Variants in ADAMTS12 observed in about 807,000 individuals in gnomAD.
ADAMTS12 encodes A disintegrin and metalloproteinase with thrombospondin motifs 12.
A neutral mutation model predicts 167.8 loss-of-function variants in ADAMTS12; 118 were observed. The ratio of observed to expected loss-of-function variants is 0.70; its 90% CI spans 0.61 to 0.82. The LOEUF (loss-of-function observed/expected upper bound fraction) is 0.82. Ranked by LOEUF, ADAMTS12 falls within the 40% of genes least tolerant of loss-of-function variation. The pLI, the probability that ADAMTS12 is intolerant of heterozygous loss-of-function variation, is 0.00. For missense variants in ADAMTS12, 1,916 were observed against 1,998.8 expected, an observed-to-expected ratio of 0.96 and a Z score of 0.79; for synonymous variants, 704 against 716.9, an observed-to-expected ratio of 0.98 and a Z score of 0.29.
intron 11 of ADAMTS12, among the ~76,000 whole-genome samples, 197 bp downstream of exon 11, chr5:33,641,613 C>A (rs369629554): frequency 2.0e-5 from 3 of 152,174 alleles, no homozygotes; most frequent in African/African-American, 7.2e-5. Context: ...CAGTGCCAAG[C>A]CGAAATGAAA....
chr5:33,618,420 A>G (rs1739138147), intron 14 of ADAMTS12, among the ~76,000 whole-genome samples: 1 of 152,196 alleles, frequency 6.6e-6, no homozygotes, highest in South Asian at 2.1e-4. Context: ...TTTCTCTAAA[A>G]GTGTTCTATA....
At chr5:33,854,556 G>A (rs1025955170) in intron 2 of ADAMTS12, among the ~76,000 whole-genome samples, 2 of 152,174 alleles carry the variant, frequency 1.3e-5, no homozygotes, top group African/African-American at 4.8e-5. Context: ...CCATAGGAAG[G>A]TCTGCTGATT....
chr5:33,725,040 A>G (rs12659781), intron 3 of ADAMTS12, among the ~76,000 whole-genome samples: 17,170 of 152,072 alleles, frequency 0.11, 1,228 homozygotes, highest in Middle Eastern at 0.15. Flanking sequence ...CCATTTCATG[A>G]TACTACTAAG....
chr5:33,630,853 T>A lies in ADAMTS12; in HGVS notation c.1949A>T (p.Asp650Val). 2 of 1,613,672 alleles carry A rather than the reference T, an allele frequency of 1.2e-6. No individual in the cohort carries two copies. Among genetic ancestry groups the A allele is most frequent in the Non-Finnish European group, 1.7e-6 (2 of 1,179,706 alleles). ...GCAAGGGGTACCATCAATGACAGCA[T>A]CCAGCATTTTCTCAGAAAACTGGCC... is the stretch of plus-strand genomic sequence containing the variant. ...IDGQFSEKML[D>V]AVIDGTPCFE... The change falls in exon 13 of 24, where the codon GAT becomes GTT. Residue 650 changes from aspartate to valine, a missense_variant. Coordinates refer to ENST00000504830, the MANE Select transcript of ADAMTS12 (RefSeq NM_030955.4).
At chr5:33,627,659 TG>T (rs142245641) in intron 13 of ADAMTS12, among the ~76,000 whole-genome samples, 1 of 152,218 alleles carries the variant, frequency 6.6e-6, no homozygotes, top group African/African-American at 2.4e-5. Context: ...AAGAACAGGT[TG>T]GGGCAAGAAT....
chr5:33,750,169 T>C (rs1744926688), intron 3 of ADAMTS12, among the ~76,000 whole-genome samples: 1 of 152,254 alleles, frequency 6.6e-6, no homozygotes, highest in African/African-American at 2.4e-5. Context: ...TCAAATCAGC[T>C]ACATGATATA....
intron 20 of ADAMTS12, among the ~76,000 whole-genome samples, chr5:33,558,887 TA>T (rs141041289): frequency 0.066 from 10,062 of 151,968 alleles, 1,098 homozygotes; most frequent in African/African-American, 0.23. Flanking sequence ...GGAAGAGAAA[TA>T]AAAAAGACCA....
At chr5:33,889,718 C>T (rs1402331008) in intron 1 of ADAMTS12, among the ~76,000 whole-genome samples, 1 of 152,102 alleles carries the variant, frequency 6.6e-6, no homozygotes, top group East Asian at 1.9e-4. Context: ...TTTAAGAGGC[C>T]AAGGTGGGCA....
intron 2 of ADAMTS12, among the ~76,000 whole-genome samples, chr5:33,814,688 GGGAAAAA>G (rs1747583646): frequency 6.6e-6 from 1 of 152,086 alleles, no homozygotes; most frequent in African/African-American, 2.4e-5. Context: ...TTAAGAGGCT[GGGAAAAA>G]GAAAGAACTG....
chr5:33,627,992 T>G (rs981818699), intron 13 of ADAMTS12, among the ~76,000 whole-genome samples: 3 of 152,132 alleles, frequency 2.0e-5, no homozygotes, highest in African/African-American at 7.2e-5. Flanking sequence ...GAGTGCACAG[T>G]AGGCTAATGG....
chr5:33,657,722 CAG>C (rs1741109437), intron 7 of ADAMTS12, among the ~76,000 whole-genome samples: 1 of 152,142 alleles, frequency 6.6e-6, no homozygotes, highest in African/African-American at 2.4e-5. Context: ...ACGGGACTAA[CAG>C]TACCATCTAT....
At chr5:33,584,066 G>A (rs887702551) in intron 18 of ADAMTS12, among the ~76,000 whole-genome samples, 17 of 152,160 alleles carry the variant, frequency 1.1e-4, no homozygotes, top group African/African-American at 3.4e-4. Flanking sequence ...CAGAGTAGAC[G>A]CTGTGCTGCC....
At chr5:33,762,234 C>T (rs1227278704) in intron 2 of ADAMTS12, among the ~76,000 whole-genome samples, 5 of 151,246 alleles carry the variant, frequency 3.3e-5, no homozygotes, top group Admixed American at 6.6e-5. Flanking sequence ...AGAGGCTGGG[C>T]GCAGTGGCTC....
chr5:33,669,151 T>G (rs1477056368), intron 5 of ADAMTS12, among the ~76,000 whole-genome samples: 1 of 152,198 alleles, frequency 6.6e-6, no homozygotes, highest in Admixed American at 6.5e-5. Flanking sequence ...ACAAATAAAA[T>G]TGAACATGTC....
chr5:33,679,968 G>A (rs1742049370), intron 5 of ADAMTS12, among the ~76,000 whole-genome samples: 1 of 152,196 alleles, frequency 6.6e-6, no homozygotes, highest in Admixed American at 6.5e-5. Context: ...GTTAAGGGCT[G>A]GAATCATTGC....
At chr5:33,719,637 C>G (rs912191844) in intron 3 of ADAMTS12, among the ~76,000 whole-genome samples, 21 of 152,318 alleles carry the variant, frequency 1.4e-4, no homozygotes, top group Admixed American at 1.3e-3. Flanking sequence ...GTTCATCCTG[C>G]CAAGTGGCAT....
intron 2 of ADAMTS12, among the ~76,000 whole-genome samples, chr5:33,789,766 C>G (rs1219938431): frequency 6.6e-6 from 1 of 152,186 alleles, no homozygotes; most frequent in African/African-American, 2.4e-5. Flanking sequence ...TGAACAAACA[C>G]AGGGGAAAGT....
In ADAMTS12 at chr5:33,835,949, CTCTCTGTGTGTGTGTG is replaced by C. The variant is rs1428038371; in HGVS notation, c.489+45154_489+45169del. Among the ~76,000 whole-genome samples the C allele has an allele frequency of 0.011, 462 of 42,338 alleles. 20 individuals are homozygous for C. The East Asian group carries it at 0.14, about 13-fold the overall frequency. 27.8% of individuals were successfully genotyped at this position (42,338 alleles called of 152,430 possible). A position where few individuals can be genotyped will look rare whatever the true frequency, so the allele number is the denominator to read the frequency against. On this transcript the variant is annotated intron_variant, in intron 2 of 23. Coordinates refer to ENST00000504830, the MANE Select transcript of ADAMTS12 (RefSeq NM_030955.4). ...TCTCTCTCTCTCTCTCTCTCTCTCT[CTCTCTGTGTGTGTGTG>C]TGTGTCCATCTGGGCAGTTTATGCT...
At chr5:33,689,840 C>A (rs79513632) in intron 3 of ADAMTS12, among the ~76,000 whole-genome samples, 1 of 152,150 alleles carries the variant, frequency 6.6e-6, no homozygotes, top group African/African-American at 2.4e-5. Context: ...GGTCATGGAA[C>A]CTTTCCTTGA....
Sources: gnomAD v4.1 joint callset for allele counts (sites outside exome capture counted in the v4.1 genomes callset) on GRCh38, gnomAD v4.1.1 for gene constraint, MANE v1.5 for transcripts, NCBI Gene and HGNC (gene_info 2026-07-23, HGNC 2026-07-21) for gene names.